WNT7B: variants seen among roughly 807,000 people sequenced by gnomAD.
WNT7B encodes the protein protein Wnt-7b.
A neutral mutation model predicts 38.2 loss-of-function variants in WNT7B; 19 were observed. The ratio of observed to expected loss-of-function variants is 0.50; its 90% confidence interval spans 0.35 to 0.73. The LOEUF (loss-of-function observed/expected upper bound fraction) is 0.73, where lower values mean the gene tolerates loss of function less well. WNT7B is among the 30% of genes least tolerant of loss of function. The probability of loss-of-function intolerance (pLI) is 0.01; values close to 1 mark genes in which losing one functional copy is unlikely to be tolerated. For missense variants in WNT7B, 423 were observed against 507.9 expected (o/e 0.83, Z 1.61); for synonymous variants, 243 against 209.3 (o/e 1.16, Z -1.39).
chr22:45,942,641 C>T (rs1931677298), intron 2 of WNT7B, among the ~76,000 whole-genome samples: 1 of 151,802 alleles, frequency 6.6e-6, no homozygotes, highest in Admixed American at 6.5e-5. Flanking sequence ...CTGCCTCACA[C>T]CCTGCACCTA....
At position 45,966,175 on chromosome 22, in the gene WNT7B, T is replaced by C. The variant is rs938696016; in HGVS notation, c.71+10509A>G. On this transcript the variant is annotated intron_variant, in intron 1 of 3. Coordinates refer to ENST00000339464, the MANE Select transcript of WNT7B (RefSeq NM_058238.3). The surrounding 1 kb of genome is among the most constrained non-coding windows in gnomAD (Gnocchi z 4.2). ...CTAGGGAGGGCCTTCTGGGGGAAAC[T>C]GAGTCCTCCAGAAGTGGGAATGCCT... 6.6e-6 allele frequency among the ~76,000 whole-genome samples: 1 copy of C among 152,218 alleles called. No individual in the cohort carries two copies. The highest frequency in any genetic ancestry group is 1.5e-5 in the Non-Finnish European group (1 of 68,028).
chr22:45,963,388 C>A (rs138226819), intron 1 of WNT7B, among the ~76,000 whole-genome samples: 26 of 152,322 alleles, frequency 1.7e-4, no homozygotes, highest in Non-Finnish European at 3.5e-4. Flanking sequence ...TCCCCAGGGG[C>A]AGCCTCCTCT....
chr22:45,957,966 C>T (rs763733324), intron 1 of WNT7B, among the ~76,000 whole-genome samples: 2 of 152,194 alleles, frequency 1.3e-5, no homozygotes, highest in South Asian at 2.1e-4. Context: ...ACCCTGAATG[C>T]GGGCAACAGC....
At chr22:45,959,967 C>T (rs1194649341) in intron 1 of WNT7B, among the ~76,000 whole-genome samples, 1 of 152,190 alleles carries the variant, frequency 6.6e-6, no homozygotes, top group Non-Finnish European at 1.5e-5. Flanking sequence ...GGCCATCTGC[C>T]CTCCCCCGCA....
At chr22:45,967,089 G>T (rs925616432) in intron 1 of WNT7B, among the ~76,000 whole-genome samples, 21 of 152,322 alleles carry the variant, frequency 1.4e-4, no homozygotes, top group Admixed American at 1.3e-4. Flanking sequence ...GACAAGGAAG[G>T]GGGGAGGGAG....
At chr22:45,929,812 C>T (rs77160105) in intron 3 of WNT7B, among the ~76,000 whole-genome samples, 28 of 92,764 alleles carry the variant, frequency 3.0e-4, no homozygotes, top group South Asian at 1.1e-3. Flanking sequence ...ATCTACCCAT[C>T]CATCTATCTT....
chr22:45,927,720 G>A (rs998132244), intron 3 of WNT7B: 1 of 667,664 alleles, frequency 1.5e-6, no homozygotes, highest in Non-Finnish European at 2.8e-6. Flanking sequence ...ACATGGTGAA[G>A]CCCCATCTCT....
chr22:45,958,231 G>A (rs1251728990), intron 1 of WNT7B, among the ~76,000 whole-genome samples: 2 of 152,154 alleles, frequency 1.3e-5, no homozygotes, highest in Non-Finnish European at 2.9e-5. Flanking sequence ...TCACCTGGGC[G>A]ACACCGTCTC....
chr22:45,923,249 G>C lies in WNT7B; in HGVS notation c.657C>G (p.Pro219=), dbSNP rs1428209170. 1.9e-6 allele frequency: 3 copies of C among 1,613,508 alleles called. No homozygotes were observed. Among genetic ancestry groups the C allele is most frequent in the African/African-American group, 2.7e-5 (2 of 74,948 alleles). Residue 219 remains proline, a synonymous_variant, in exon 4 of 4, where the codon CCC becomes CCG. Transcript: ENST00000339464. ...GCAGGTGGCCCACCTCTCGGAACTT[G>C]GGCAGCGTGGTCCAGCAGGTTTTGG... ...CTTKTCWTTL[P]KFREVGHLLK... is the part of the protein sequence containing the mutation.
intron 3 of WNT7B, 65 bp downstream of exon 3, chr22:45,931,033 C>G (rs1339492245): frequency 6.7e-7 from 1 of 1,491,356 alleles, no homozygotes; most frequent in Non-Finnish European, 8.9e-7. Context: ...CCTGAGGCTC[C>G]GAGAGGTCAG....
chr22:45,930,844 C>A (rs1931324509), intron 3 of WNT7B, among the ~76,000 whole-genome samples: 2 of 152,218 alleles, frequency 1.3e-5, no homozygotes, highest in Admixed American at 6.5e-5. Context: ...AATGGAGTCC[C>A]CATCTTCCCT....
At position 45,951,732 on chromosome 22, in the gene WNT7B, G is replaced by A. The variant is rs28450021; in HGVS notation, c.72-1586C>T. 0.058 allele frequency among the ~76,000 whole-genome samples: 8,789 copies of A among 152,212 alleles called. 538 individuals carry two copies. The highest frequency in any genetic ancestry group is 0.16 in the African/African-American group (6,562 of 41,506). On this transcript the variant is annotated intron_variant, in intron 1 of 3. Transcript: ENST00000339464. This position sits in a 1 kb window ranked among gnomAD's most constrained non-coding sequence, Gnocchi z 4.8. ...AGGTCAGTGCTTCATGCGTTTGTAAGGCTGAGTGATATTCCATTGTGTGGA... is the reference window on the plus strand; with the variant it reads ...AGGTCAGTGCTTCATGCGTTTGTAAAGCTGAGTGATATTCCATTGTGTGGA...
rs1050470469 is a variant in WNT7B, at chr22:45,966,348, G to A, written c.71+10336C>T. Among the ~76,000 whole-genome samples, 2 of 152,318 alleles carry A rather than the reference G, an allele frequency of 1.3e-5. No individual in the cohort carries two copies. The highest frequency in any genetic ancestry group is 2.4e-5 in the African/African-American group (1 of 41,570). ...CTGGATGCCTCCTCACCCTGGCCAC[G>A]CCAATACCCACTGCGCGGAGGCCAG... On this transcript the variant is annotated intron_variant, in intron 1 of 3. Transcript: ENST00000339464. The surrounding 1 kb of genome is among the most constrained non-coding windows in gnomAD (Gnocchi z 4.2).
At chr22:45,943,760 C>G (rs533921380) in intron 2 of WNT7B, among the ~76,000 whole-genome samples, 1 of 152,170 alleles carries the variant, frequency 6.6e-6, no homozygotes, top group Non-Finnish European at 1.5e-5. Flanking sequence ...GGACCTGAGG[C>G]GGTCATGTGA....
At position 45,950,125 on chromosome 22, in the gene WNT7B, G is replaced by T; in HGVS notation, c.93C>A (p.Ala31=). ...VKLGALSSVV[A]LGANIICNKI... is the part of the protein sequence containing the mutation. ...TGTTGCAGATGATGTTGGCTCCCAG[G>T]GCCACCACGGATGACAGTGCTCTGT... is the stretch of plus-strand genomic sequence containing the variant. Residue 31 remains alanine, a synonymous_variant, in exon 2 of 4, where the codon GCC becomes GCA. Coordinates refer to ENST00000339464, the MANE Select transcript of WNT7B (RefSeq NM_058238.3). 1.9e-6 allele frequency: 3 copies of T among 1,613,896 alleles called. No individual in the cohort carries two copies. The highest frequency in any genetic ancestry group is 2.5e-6 in the Non-Finnish European group (3 of 1,180,026).
chr22:45,955,620 C>T (rs554416241), intron 1 of WNT7B, among the ~76,000 whole-genome samples: 15 of 152,268 alleles, frequency 9.9e-5, no homozygotes, highest in East Asian at 9.7e-4. Context: ...ATGTTTCAGT[C>T]GCTGACCTTT....
At chr22:45,945,553 C>A (rs1879181915) in intron 2 of WNT7B, among the ~76,000 whole-genome samples, 1 of 152,248 alleles carries the variant, frequency 6.6e-6, no homozygotes, top group Non-Finnish European at 1.5e-5. Flanking sequence ...TGGTCCACAC[C>A]ATATTACAAA....
intron 2 of WNT7B, among the ~76,000 whole-genome samples, chr22:45,935,568 C>A (rs1464012077): frequency 6.6e-6 from 1 of 152,210 alleles, no homozygotes; most frequent in African/African-American, 2.4e-5. Context: ...TCCCCGAATG[C>A]CCTCTGTAGT....
intron 3 of WNT7B, among the ~76,000 whole-genome samples, chr22:45,929,809 C>T (rs1448063035): frequency 2.7e-5 from 4 of 149,606 alleles, no homozygotes; most frequent in East Asian, 1.9e-4. Flanking sequence ...ACCATCTACC[C>T]ATCCATCTAT....
Sources: allele counts gnomAD v4.1 joint callset (sites outside exome capture counted in the v4.1 genomes callset), GRCh38; gene constraint gnomAD v4.1.1; non-coding constraint Gnocchi (gnomAD v3.1); transcripts MANE v1.5; gene names NCBI Gene and HGNC (gene_info 2026-07-23, HGNC 2026-07-21).